LYPD2: variants seen among roughly 807,000 people sequenced by gnomAD.
LYPD2 encodes the protein ly6/PLAUR domain-containing protein 2.
A neutral mutation model predicts 7.1 loss-of-function variants in LYPD2; 5 were observed. The observed-to-expected ratio is 0.70, with a 90% CI of 0.37 to 1.48. The LOEUF is 1.48. Among genes scored for constraint, LYPD2 ranks in the 40% most tolerant of loss-of-function variants. The pLI, the probability that LYPD2 is intolerant of heterozygous loss-of-function variation, is 0.03. For missense variants in LYPD2, 177 were observed against 171.0 expected (o/e 1.04, Z -0.20); for synonymous variants, 78 against 82.0 (o/e 0.95, Z 0.26).
chr8:142,752,361 C>T (rs376556425), intron 1 of LYPD2, 33 bp downstream of exon 1: 35 of 1,612,624 alleles, frequency 2.2e-5, no homozygotes, highest in Middle Eastern at 1.7e-4. Context: ...CATCTCCCTC[C>T]GTCCCAGCTC....
rs1173632951 is a variant in LYPD2 at position 142,750,219 on chromosome 8, A to G, written c.*64T>C. On this transcript the variant is annotated 3_prime_UTR_variant, in exon 3 of 3. Transcript: ENST00000359228. ...AAAGGAGACTCAGGAGTCCTGGTGC[A>G]GGGGGCACTTCTTCAAGGCATTCGG... 27 of 1,375,896 alleles carry G rather than the reference A, an allele frequency of 2.0e-5. No homozygotes were observed. Among genetic ancestry groups the G allele is most frequent in the Non-Finnish European group, 2.6e-5 (26 of 1,009,426 alleles). The allele number at this position is 1,375,896 out of a possible 1,614,324, so 85.2% of individuals were successfully genotyped here. A position where few individuals can be genotyped will look rare whatever the true frequency, so the allele number is the denominator to read the frequency against.
At chr8:142,752,260 A>AC in intron 1 of LYPD2, 134 bp downstream of exon 1, 1 of 751,692 alleles carries the variant, frequency 1.3e-6, no homozygotes. Flanking sequence ...CGGGGGGGCC[A>AC]CACCCCCGGC....
At chr8:142,752,251 G>A (rs1339205492) in intron 1 of LYPD2, 143 bp downstream of exon 1, 11 of 799,352 alleles carry the variant, frequency 1.4e-5, no homozygotes, top group South Asian at 7.3e-5. Context: ...TCCTTATGGC[G>A]GGGGGGCCAC....
At chr8:142,750,581 C>A (rs1223161274) in intron 2 of LYPD2, 99 bp from the exon 3 acceptor site, 1 of 1,194,848 alleles carries the variant, frequency 8.4e-7, no homozygotes. Context: ...TCTGGGGTCA[C>A]CCACCCGGGT....
intron 2 of LYPD2, 139 bp from the exon 3 acceptor site, chr8:142,750,621 C>T (rs1814682952): frequency 2.5e-6 from 2 of 815,388 alleles, no homozygotes. Flanking sequence ...GTGCCCTCCT[C>T]TTCCTCTCTC....
intron 1 of LYPD2, among the ~76,000 whole-genome samples, chr8:142,752,125 C>A (rs587710347): frequency 1.3e-5 from 2 of 152,136 alleles, no homozygotes; most frequent in South Asian, 2.1e-4. Context: ...GACACCCAGG[C>A]TGGTGCTCAG....
chr8:142,751,841 C>T (rs913202740), intron 1 of LYPD2, among the ~76,000 whole-genome samples: 2 of 152,212 alleles, frequency 1.3e-5, no homozygotes, highest in African/African-American at 2.4e-5. Context: ...GGGGATGCAG[C>T]GGGGCCTCTG....
At chr8:142,750,897 C>T (rs1257466706) in intron 2 of LYPD2, among the ~76,000 whole-genome samples, 154 bp downstream of exon 2, 3 of 152,234 alleles carry the variant, frequency 2.0e-5, no homozygotes, top group African/African-American at 7.2e-5. Flanking sequence ...GCCAAGCTGG[C>T]TGGTGGTGAC....
In LYPD2 at chr8:142,750,314, G is replaced by T. The variant is rs368060572; in HGVS notation, c.347C>A (p.Thr116Lys). Residue 116 changes from threonine (T) to lysine (K), a missense_variant, in exon 3 of 3, where the codon ACG becomes AAG. By Grantham distance (78) the Thr-to-Lys change is moderately conservative. Coordinates refer to ENST00000359228, the MANE Select transcript of LYPD2 (RefSeq NM_205545.3). ...TCGGAGGCTCAAGAGTGGGAGGAGC[G>T]TGAGGGCCCCGCAGTGGAGGCTGTT... ...ALNSLHCGAL[T>K]LLPLLSLRL 3 of 1,553,528 alleles carry T rather than the reference G, an allele frequency of 1.9e-6. No individual in the cohort carries two copies. In the East Asian group the frequency reaches 7.3e-5, roughly 38 times the overall value.
Position 142,752,497 on chromosome 8 carries a change from G to C in LYPD2, c.-46C>G, listed in dbSNP as rs370707646. The C allele has an allele frequency of 5.0e-6, 8 of 1,606,022 alleles. No homozygotes were observed. The highest frequency in any genetic ancestry group is 2.2e-5 in the East Asian group (1 of 44,620). On this transcript the variant is annotated 5_prime_UTR_variant, in exon 1 of 3. Transcript: ENST00000359228. ...TGCTCTCACCCCAGGCTTGCCTGGC[G>C]GGGACAGCAGACACCAAGTGAGGTG... is the stretch of plus-strand genomic sequence containing the variant.
At chr8:142,751,463 G>T (rs1301079871) in intron 1 of LYPD2, among the ~76,000 whole-genome samples, 1 of 152,224 alleles carries the variant, frequency 6.6e-6, no homozygotes, top group African/African-American at 2.4e-5. Flanking sequence ...GACTCAGGGG[G>T]ACCAAGGCCC....
At chr8:142,750,610 A>G in intron 2 of LYPD2, 128 bp from the exon 3 acceptor site, 2 of 877,702 alleles carry the variant, frequency 2.3e-6, no homozygotes, top group Non-Finnish European at 3.5e-6. Flanking sequence ...CTCCTGGCCC[A>G]GTGCCCTCCT....
rs587727360 is a variant in LYPD2, at chr8:142,750,938, A to G, written c.178+113T>C. The stretch of plus-strand genomic sequence containing the variant: ...TGGAGGTGGCTCTGACCGGGAACCC[A>G]GCCCTGCCCGCCTTCCGTGCTCACT... On this transcript the variant is annotated intron_variant, in intron 2 of 2. Coordinates refer to ENST00000359228, the MANE Select transcript of LYPD2 (RefSeq NM_205545.3). 6 of 1,547,086 alleles carry G rather than the reference A, an allele frequency of 3.9e-6. No individual in the cohort carries two copies. The South Asian group carries it at 6.2e-5, about 16-fold the overall frequency.
chr8:142,751,188 G>A lies in LYPD2; in HGVS notation c.59-18C>T. On this transcript the variant is annotated intron_variant, in intron 1 of 2. Transcript: ENST00000359228. Reference sequence around the variant, plus strand: ...GGCCGGCGCTGGGGAGAAGGGACAAGGGCGGTCAGGCAGGCTCCACCCCTC... The same window carrying A: ...GGCCGGCGCTGGGGAGAAGGGACAAAGGCGGTCAGGCAGGCTCCACCCCTC... 1.2e-6 allele frequency: 2 copies of A among 1,612,866 alleles called. No homozygotes were observed. The highest frequency in any genetic ancestry group is 2.2e-5 in the East Asian group (1 of 44,884).
chr8:142,750,469 C>G lies in LYPD2; in HGVS notation c.192G>C (p.Gln64His). 6 of 1,584,274 alleles carry G rather than the reference C, an allele frequency of 3.8e-6. No individual in the cohort carries two copies. The highest frequency in any genetic ancestry group is 5.1e-6 in the Non-Finnish European group (6 of 1,165,060). Residue 64 changes from glutamine to histidine, a missense_variant, in exon 3 of 3, where the codon CAG (glutamine) becomes CAC (histidine). Transcript: ENST00000359228. ...AGGACTTGGTCACCGTGGAGTCCCC[C>G]TGGAAGGGGTACACTGTGGGGTGTG... ...LYSREIVYPF[Q>H]GDSTVTKSCA... is the part of the protein sequence containing the mutation.
At position 142,751,173 on chromosome 8, in the gene LYPD2, G is replaced by A. The variant is rs368146524; in HGVS notation, c.59-3C>T. 47 of 1,613,642 alleles carry A rather than the reference G, an allele frequency of 2.9e-5. No homozygotes were observed. The highest frequency in any genetic ancestry group is 3.9e-5 in the Non-Finnish European group (46 of 1,180,008). On this transcript the variant is annotated splice_region_variant and splice_polypyrimidine_tract_variant and intron_variant, in intron 1 of 2. Transcript: ENST00000359228. ...GACGTAGCAGCGCAGGGCCGGCGCTGGGGAGAAGGGACAAGGGCGGTCAGG... is the reference window on the plus strand; with the variant it reads ...GACGTAGCAGCGCAGGGCCGGCGCTAGGGAGAAGGGACAAGGGCGGTCAGG...
At chr8:142,750,526 C>T in intron 2 of LYPD2, 44 bp from the exon 3 acceptor site, 1 of 1,536,676 alleles carries the variant, frequency 6.5e-7, no homozygotes, top group Non-Finnish European at 8.8e-7. Flanking sequence ...TGGTCACTGC[C>T]TCCAAGCCCT....
intron 2 of LYPD2, 102 bp downstream of exon 2, chr8:142,750,949 C>T: frequency 6.4e-7 from 1 of 1,565,834 alleles, no homozygotes; most frequent in Non-Finnish European, 8.7e-7. Flanking sequence ...GCCCTGCCCG[C>T]CTTCCGTGCT....
At chr8:142,751,701 G>C (rs889527613) in intron 1 of LYPD2, among the ~76,000 whole-genome samples, 3 of 152,108 alleles carry the variant, frequency 2.0e-5, no homozygotes, top group Non-Finnish European at 4.4e-5. Flanking sequence ...ACGGGGACCG[G>C]AGAGGCTCCA....
Sources: gnomAD v4.1 joint callset for allele counts (sites outside exome capture counted in the v4.1 genomes callset) on GRCh38, gnomAD v4.1.1 for gene constraint, MANE v1.5 for transcripts, NCBI Gene and HGNC (gene_info 2026-07-23, HGNC 2026-07-21) for gene names.